The following ZNF248 variants were observed in gnomAD, a reference collection of about 807,000 sequenced individuals.
ZNF248 encodes the protein zinc finger protein 248.
A neutral mutation model predicts 44.3 loss-of-function variants in ZNF248; 20 were observed. The observed-to-expected ratio is 0.45, with a 90% CI of 0.32 to 0.66. The LOEUF (loss-of-function observed/expected upper bound fraction) is 0.66, where lower values mean the gene tolerates loss of function less well. Ranked by LOEUF, ZNF248 falls within the 30% of genes least tolerant of loss-of-function variation. The pLI, the probability that ZNF248 is intolerant of heterozygous loss-of-function variation, is 0.04. For synonymous variants in ZNF248, 224 were observed against 229.0 expected (o/e 0.98, Z 0.20); for missense variants, 654 against 677.0 (o/e 0.97, Z 0.38).
intron 6 of ZNF248, among the ~76,000 whole-genome samples, chr10:37,784,469 G>T (rs1245923655): frequency 6.6e-6 from 1 of 152,160 alleles, no homozygotes; most frequent in Non-Finnish European, 1.5e-5. Flanking sequence ...CGTCTCCCTG[G>T]CTAAATTGGT....
At chr10:37,785,400 C>G (rs977331796) in intron 6 of ZNF248, among the ~76,000 whole-genome samples, 2 of 152,108 alleles carry the variant, frequency 1.3e-5, no homozygotes, top group Non-Finnish European at 2.9e-5. Context: ...AGACTCACAC[C>G]AAATCATAAA....
chr10:37,836,892 G>A (rs1297245859), intron 5 of ZNF248, among the ~76,000 whole-genome samples: 1 of 151,998 alleles, frequency 6.6e-6, no homozygotes, highest in Non-Finnish European at 1.5e-5. Flanking sequence ...CAGACATAGT[G>A]AGTGCTCATC....
In ZNF248 at chr10:37,830,135, A is replaced by G; in HGVS notation, c.*1480T>C. On this transcript the variant is annotated 3_prime_UTR_variant, in exon 6 of 6. Transcript: ENST00000395867. The stretch of plus-strand genomic sequence containing the variant: ...AGATACACAATGAAAAATCAAGGAT[A>G]TCAAAAGGGCCTTTCATTACATACC... The G allele has an allele frequency of 1.0e-6, 1 of 985,442 alleles. No individual in the cohort carries two copies. Among genetic ancestry groups the G allele is most frequent in the Non-Finnish European group, 1.2e-6 (1 of 829,936 alleles). 61.0% of individuals were successfully genotyped at this position (985,442 alleles called of 1,614,324 possible).
intron 6 of ZNF248, among the ~76,000 whole-genome samples, chr10:37,784,968 C>T (rs1012923942): frequency 2.0e-5 from 3 of 151,882 alleles, no homozygotes; most frequent in African/African-American, 7.3e-5. Context: ...CGTCTCCTGC[C>T]GCCAAAAAAA....
chr10:37,792,777 C>T (rs2048708933), intron 6 of ZNF248, among the ~76,000 whole-genome samples: 2 of 152,098 alleles, frequency 1.3e-5, no homozygotes, highest in Admixed American at 1.3e-4. Context: ...CAGTATTCTT[C>T]GTAAGTGCCA....
At chr10:37,824,704 C>T (rs573356200), downstream of ZNF248, among the ~76,000 whole-genome samples, 429 of 2,974 alleles carry the variant, frequency 0.14, 2 homozygotes, top group Admixed American at 0.2. Context: ...TTTTTTGAGA[C>T]GGAGTCTCCC....
At chr10:37,819,845 C>CT in intron 6 of ZNF248, 2 of 786,344 alleles carry the variant, frequency 2.5e-6, no homozygotes, top group Non-Finnish European at 2.4e-6. Context: ...TTTCCGTTGT[C>CT]TATCTCTTCC....
chr10:37,828,809 C>G lies in ZNF248; in HGVS notation c.*2806G>C. ...ATTTGGAAGAATACAGAGCTGCTTA[C>G]CTTACACCACATACAATAAGAAACA... On this transcript the variant is annotated 3_prime_UTR_variant, in exon 6 of 6. Transcript: ENST00000395867. 1 of 985,356 alleles carries G rather than the reference C, an allele frequency of 1.0e-6. No homozygotes were observed. Among genetic ancestry groups the G allele is most frequent in the Non-Finnish European group, 1.2e-6 (1 of 829,922 alleles). 61.0% of individuals were successfully genotyped at this position (985,356 alleles called of 1,614,324 possible).
chr10:37,823,429 A>C, intron 6 of ZNF248, among the ~76,000 whole-genome samples: 1 of 151,928 alleles, frequency 6.6e-6, no homozygotes, highest in Admixed American at 6.6e-5. Flanking sequence ...ACAACATTCC[A>C]AACAAATTCT....
chr10:37,764,086 C>T, the ZNF248 span, among the ~76,000 whole-genome samples: 7,538 of 152,236 alleles, frequency 0.05, 269 homozygotes, highest in Middle Eastern at 0.099. Flanking sequence ...GAGAGCCAGG[C>T]GGAACAGAGC....
chr10:37,822,208 G>T (rs2053583311), intron 6 of ZNF248, among the ~76,000 whole-genome samples: 1 of 152,114 alleles, frequency 6.6e-6, no homozygotes, highest in African/African-American at 2.4e-5. Flanking sequence ...AGTCACAAAG[G>T]ACATGGTCTG....
chr10:37,780,731 T>TC (rs1227943500), intron 6 of ZNF248, among the ~76,000 whole-genome samples: 3 of 152,036 alleles, frequency 2.0e-5, no homozygotes, highest in Admixed American at 2.0e-4. Context: ...AAACTTGCGA[T>TC]CCCCGGCCAC....
the ZNF248 span, among the ~76,000 whole-genome samples, chr10:37,768,275 C>A: frequency 1.3e-5 from 2 of 152,138 alleles, no homozygotes; most frequent in African/African-American, 4.8e-5. Context: ...ACCAAGCAGA[C>A]CTAATAGACA....
downstream of ZNF248, chr10:37,776,324 A>C (rs1048605088): frequency 2.9e-6 from 1 of 350,872 alleles, no homozygotes; most frequent in Non-Finnish European, 5.1e-6. Flanking sequence ...CAAACCTTTC[A>C]TCATAGTGGG....
chr10:37,835,135 A>AAAGAGAAAAG (rs1554838681), intron 5 of ZNF248, among the ~76,000 whole-genome samples: 1 of 152,106 alleles, frequency 6.6e-6, no homozygotes, highest in Non-Finnish European at 1.5e-5. Context: ...GCTAAAAAAA[A>AAAGAGAAAAG]AGAGAAAAGA....
At chr10:37,855,321 T>C (rs1386906862) in intron 3 of ZNF248, among the ~76,000 whole-genome samples, 1 of 152,156 alleles carries the variant, frequency 6.6e-6, no homozygotes. Context: ...AGAAACTGCA[T>C]GAACAGAGGA....
chr10:37,764,444 C>T, the ZNF248 span, among the ~76,000 whole-genome samples: 1 of 152,142 alleles, frequency 6.6e-6, no homozygotes, highest in African/African-American at 2.4e-5. Flanking sequence ...TTCGCCCTGC[C>T]TCCATTTGCC....
intron 6 of ZNF248, among the ~76,000 whole-genome samples, chr10:37,810,050 TA>T (rs2051247121): frequency 6.6e-6 from 1 of 152,200 alleles, no homozygotes; most frequent in Non-Finnish European, 1.5e-5. Context: ...TACTTGATCC[TA>T]AAAGGGAGTA....
chr10:37,771,699 C>A (rs1013694203), downstream of ZNF248, among the ~76,000 whole-genome samples: 3 of 151,976 alleles, frequency 2.0e-5, no homozygotes, highest in African/African-American at 7.3e-5. Flanking sequence ...GGGCGCAGCA[C>A]ACCAACATGG....
Sources: gnomAD v4.1 joint callset for allele counts (sites outside exome capture counted in the v4.1 genomes callset) on GRCh38, gnomAD v4.1.1 for gene constraint, MANE v1.5 for transcripts, NCBI Gene and HGNC (gene_info 2026-07-23, HGNC 2026-07-21) for gene names.